The following TCF7L2 variants were observed in gnomAD, a reference collection of about 807,000 sequenced individuals.
TCF7L2 encodes the protein transcription factor 7 like 2.
Under a neutral mutation model 77.9 loss-of-function variants are expected in TCF7L2, and 23 were observed. The observed-to-expected ratio is 0.30, with a 90% confidence interval of 0.21 to 0.42. TCF7L2 has a LOEUF of 0.42. Among genes scored for constraint, TCF7L2 ranks in the 10% least tolerant of loss-of-function variants. The pLI is 1.00. For missense variants in TCF7L2, 654 were observed against 793.1 expected (o/e 0.82, Z 2.11); for synonymous variants, 413 against 340.2 (o/e 1.21, Z -2.36).
At chr10:113,089,871 G>T (rs2060192471) in intron 5 of TCF7L2, among the ~76,000 whole-genome samples, 1 of 152,138 alleles carries the variant, frequency 6.6e-6, no homozygotes, top group African/African-American at 2.4e-5. Context: ...ATTAAACTTG[G>T]CCCCAGGAAG....
At chr10:113,140,774 C>T (rs1183297727) in intron 5 of TCF7L2, among the ~76,000 whole-genome samples, 1 of 152,018 alleles carries the variant, frequency 6.6e-6, no homozygotes, top group African/African-American at 2.4e-5. Flanking sequence ...CTAGATGGTC[C>T]CCTGTGCAGC....
chr10:113,008,239 T>A (rs1276726866), intron 4 of TCF7L2, among the ~76,000 whole-genome samples: 1 of 152,214 alleles, frequency 6.6e-6, no homozygotes, highest in Non-Finnish European at 1.5e-5. Context: ...GGCATACGAT[T>A]CAACTCTGGG....
At chr10:113,002,551 T>G (rs2044688507) in intron 4 of TCF7L2, among the ~76,000 whole-genome samples, 1 of 152,096 alleles carries the variant, frequency 6.6e-6, no homozygotes, top group South Asian at 2.1e-4. Context: ...TGGGGGTGTG[T>G]GTGTGTCCTC....
At chr10:113,054,401 A>G (rs1209949498) in intron 5 of TCF7L2, among the ~76,000 whole-genome samples, 2 of 152,160 alleles carry the variant, frequency 1.3e-5, no homozygotes, top group Non-Finnish European at 2.9e-5. Context: ...GGGGTTTTCC[A>G]TGATGTTTGG....
intron 4 of TCF7L2, among the ~76,000 whole-genome samples, chr10:112,986,914 C>T (rs1590035882): frequency 6.6e-6 from 1 of 152,082 alleles, no homozygotes; most frequent in East Asian, 1.9e-4. Context: ...ACTGTTTTTG[C>T]TCCTGGGCTT....
chr10:113,110,320 A>C (rs906167554), intron 5 of TCF7L2, among the ~76,000 whole-genome samples: 1 of 150,656 alleles, frequency 6.6e-6, no homozygotes, highest in African/African-American at 2.4e-5. Flanking sequence ...TGTTTAAAGA[A>C]TTTCCAATTC....
chr10:113,052,413 AG>A (rs1389630917), intron 5 of TCF7L2, among the ~76,000 whole-genome samples: 15 of 152,216 alleles, frequency 9.9e-5, no homozygotes, highest in African/African-American at 3.6e-4. Flanking sequence ...CTTTTGGGAA[AG>A]TGTCAGAAAT....
chr10:112,967,459 A>G (rs887068932), intron 4 of TCF7L2, among the ~76,000 whole-genome samples: 2 of 152,118 alleles, frequency 1.3e-5, no homozygotes, highest in African/African-American at 4.8e-5. Flanking sequence ...GGGTGATTCT[A>G]TAGACACGTC....
intron 5 of TCF7L2, chr10:113,126,968 G>T (rs1592060486): frequency 4.1e-6 from 4 of 972,822 alleles, no homozygotes; most frequent in Non-Finnish European, 4.9e-6. Context: ...CTGCGTCCAC[G>T]GCTGTCCAGT....
intron 3 of TCF7L2, among the ~76,000 whole-genome samples, chr10:112,954,738 G>A (rs1336943133): frequency 1.3e-5 from 2 of 152,222 alleles, no homozygotes; most frequent in African/African-American, 4.8e-5. Context: ...GTGGAAATAG[G>A]AATATGGTGG....
intron 5 of TCF7L2, among the ~76,000 whole-genome samples, chr10:113,117,128 G>A (rs1216688056): frequency 6.6e-6 from 1 of 152,156 alleles, no homozygotes; most frequent in African/African-American, 2.4e-5. Context: ...TCAAATCTAC[G>A]ATTTAACTGC....
Position 113,160,637 on chromosome 10 carries a change from A to T in TCF7L2, c.1337A>T (p.Lys446Met). 6.3e-7 allele frequency: 1 copy of T among 1,597,052 alleles called. No individual in the cohort carries two copies. The change falls in exon 13 of 14, where the codon AAG (lysine) becomes ATG (methionine). Residue 446 changes from lysine (K) to methionine (M), a missense_variant. By Grantham distance (95) the Lys-to-Met change is moderately conservative. Coordinates refer to ENST00000627217, the MANE Select transcript of TCF7L2 (RefSeq NM_001146274.2). ...CTAACAGATGCAAATACTCCAAAGA[A>T]GTGTCGGGCACTGTTCGGGCTTGAC...
intron 5 of TCF7L2, among the ~76,000 whole-genome samples, chr10:113,140,663 T>C (rs1336425150): frequency 1.3e-5 from 2 of 152,124 alleles, no homozygotes; most frequent in African/African-American, 4.8e-5. Context: ...ATGCCCGCTG[T>C]TTCTAAGGGC....
intron 5 of TCF7L2, among the ~76,000 whole-genome samples, chr10:113,073,011 C>G (rs1039476771): frequency 3.3e-5 from 5 of 151,790 alleles, no homozygotes; most frequent in Non-Finnish European, 7.4e-5. Context: ...TGAGCTAGAG[C>G]AACTATGCTG....
chr10:112,996,440 GATGCAAC>G (rs2043502938), intron 4 of TCF7L2, among the ~76,000 whole-genome samples: 1 of 152,226 alleles, frequency 6.6e-6, no homozygotes, highest in African/African-American at 2.4e-5. Flanking sequence ...TTTATGGAGA[GATGCAAC>G]ATGTCAGGCC....
intron 4 of TCF7L2, among the ~76,000 whole-genome samples, chr10:113,038,902 T>A (rs1159913250): frequency 1.3e-5 from 2 of 152,154 alleles, no homozygotes; most frequent in Admixed American, 1.3e-4. Flanking sequence ...TTCTATAGAA[T>A]TAATATTAAA....
rs572846208 is a variant in TCF7L2 at position 113,017,480 on chromosome 10, C to T, written c.451-22545C>T. Reference sequence around the variant, plus strand: ...TTCTTTGCAAACTTTACTGCAGTGACGGAGACATCTTTAAATACAAATTCT... The same window carrying T: ...TTCTTTGCAAACTTTACTGCAGTGATGGAGACATCTTTAAATACAAATTCT... On this transcript the variant is annotated intron_variant, in intron 4 of 13. Coordinates refer to ENST00000627217, the MANE Select transcript of TCF7L2 (RefSeq NM_001146274.2). Among the ~76,000 whole-genome samples, 32 of 152,340 alleles carry T rather than the reference C, an allele frequency of 2.1e-4. No homozygotes were observed. In the South Asian group the frequency reaches 6.2e-3, roughly 30 times the overall value.
rs2039389536 is a variant in TCF7L2, at chr10:112,976,184, G to A, written c.450+11560G>A. Among the ~76,000 whole-genome samples, 6 of 152,188 alleles carry A rather than the reference G, an allele frequency of 3.9e-5. No individual in the cohort carries two copies. The South Asian group carries it at 8.3e-4, about 21-fold the overall frequency. Reference sequence around the variant, plus strand: ...AGATATATAATGATCTGGGCAGTACGATGATACAGGGAAGCGTGCTTGATA... The same window carrying A: ...AGATATATAATGATCTGGGCAGTACAATGATACAGGGAAGCGTGCTTGATA... On this transcript the variant is annotated intron_variant, in intron 4 of 13. Coordinates refer to ENST00000627217, the MANE Select transcript of TCF7L2 (RefSeq NM_001146274.2).
At chr10:112,998,052 A>T (rs968885321) in intron 4 of TCF7L2, among the ~76,000 whole-genome samples, 14 of 151,874 alleles carry the variant, frequency 9.2e-5, no homozygotes, top group African/African-American at 3.4e-4. Flanking sequence ...GAAGATGCAG[A>T]GAGTGAAGGG....
Sources: gnomAD v4.1 joint callset for allele counts (sites outside exome capture counted in the v4.1 genomes callset) on GRCh38, gnomAD v4.1.1 for gene constraint, MANE v1.5 for transcripts, NCBI Gene and HGNC (gene_info 2026-07-23, HGNC 2026-07-21) for gene names.